IQGAP2: variants seen among roughly 807,000 people sequenced by gnomAD.
The protein encoded by IQGAP2 is IQ motif containing GTPase activating protein 2, also known as ras GTPase-activating-like protein IQGAP2.
A neutral mutation model predicts 201.3 loss-of-function variants in IQGAP2; 173 were observed. That is an observed-to-expected ratio of 0.86 (90% confidence interval 0.76 to 0.98). The LOEUF (loss-of-function observed/expected upper bound fraction) is 0.98, where lower values mean the gene tolerates loss of function less well. IQGAP2 is among the 50% of genes least tolerant of loss of function. The probability of loss-of-function intolerance (pLI) is 0.00; values close to 1 mark genes in which losing one functional copy is unlikely to be tolerated. For missense variants in IQGAP2, 1,687 were observed against 1,864.8 expected (o/e 0.90, Z 1.76); for synonymous variants, 675 against 673.9 (o/e 1.00, Z -0.03).
rs956413404 is a variant in IQGAP2 at position 76,417,202 on chromosome 5, A to G, written c.46+13611A>G. On this transcript the variant is annotated intron_variant, in intron 1 of 35. Coordinates refer to ENST00000274364, the MANE Select transcript of IQGAP2 (RefSeq NM_006633.5). ...ACTTATTTGAATAATTCTTTGGTGAAGTCTTATTAGTGTTGAAACGGGTTT... is the reference window on the plus strand; with the variant it reads ...ACTTATTTGAATAATTCTTTGGTGAGGTCTTATTAGTGTTGAAACGGGTTT... 2.6e-5 allele frequency among the ~76,000 whole-genome samples: 4 copies of G among 152,136 alleles called. No homozygotes were observed. The East Asian group carries it at 7.7e-4, about 29-fold the overall frequency.
At chr5:76,626,096 T>C (rs1750193856) in intron 13 of IQGAP2, among the ~76,000 whole-genome samples, 1 of 152,164 alleles carries the variant, frequency 6.6e-6, no homozygotes, top group African/African-American at 2.4e-5. Context: ...TTTTCATTGC[T>C]GCTGTTGCTT....
intron 2 of IQGAP2, among the ~76,000 whole-genome samples, chr5:76,526,090 C>T (rs1475833032): frequency 6.6e-6 from 1 of 152,212 alleles, no homozygotes; most frequent in Non-Finnish European, 1.5e-5. Flanking sequence ...GTTAGAAGAA[C>T]TTGGCTAGAA....
Position 76,600,978 on chromosome 5 carries a change from G to C in IQGAP2, c.1232+6G>C. 5 of 1,608,862 alleles carry C rather than the reference G, an allele frequency of 3.1e-6. No individual in the cohort carries two copies. Among genetic ancestry groups the C allele is most frequent in the Non-Finnish European group, 4.3e-6 (5 of 1,175,970 alleles). On this transcript the variant is annotated splice_donor_region_variant and intron_variant, in intron 11 of 35. Coordinates refer to ENST00000274364, the MANE Select transcript of IQGAP2 (RefSeq NM_006633.5). ...GACAAGGCATATGTGGAACGGTAAG[G>C]AACATTTTCCAAACCTTCTTTCAAT...
intron 33 of IQGAP2, among the ~76,000 whole-genome samples, chr5:76,700,555 G>A (rs965808543): frequency 6.6e-6 from 1 of 152,118 alleles, no homozygotes; most frequent in Non-Finnish European, 1.5e-5. Context: ...AGACTCACAA[G>A]TATGGTTATG....
chr5:76,488,912 G>A (rs574010198), intron 2 of IQGAP2, among the ~76,000 whole-genome samples: 1 of 152,176 alleles, frequency 6.6e-6, no homozygotes, highest in Non-Finnish European at 1.5e-5. Flanking sequence ...CGGCTGAGTT[G>A]TCCTATCCAC....
intron 2 of IQGAP2, among the ~76,000 whole-genome samples, chr5:76,508,157 C>T (rs1486914395): frequency 1.4e-5 from 2 of 146,520 alleles, no homozygotes; most frequent in African/African-American, 5.1e-5. Flanking sequence ...ATGGCAAAAC[C>T]CCATCTCAAC....
chr5:76,434,207 C>A (rs1022925159), intron 1 of IQGAP2, among the ~76,000 whole-genome samples: 1 of 152,130 alleles, frequency 6.6e-6, no homozygotes, highest in Non-Finnish European at 1.5e-5. Context: ...AAAGAAATTT[C>A]AATAGCTTTG....
chr5:76,623,279 C>A, intron 13 of IQGAP2: 1 of 1,601,490 alleles, frequency 6.2e-7, no homozygotes, highest in South Asian at 1.1e-5. Context: ...TCTGTAAAAT[C>A]ATGGAGCACA....
intron 22 of IQGAP2, among the ~76,000 whole-genome samples, chr5:76,665,537 TAAC>T (rs1281859254): frequency 1.3e-5 from 2 of 152,010 alleles, no homozygotes; most frequent in African/African-American, 4.8e-5. Context: ...AATCTGATAA[TAAC>T]AAAACAAAAA....
rs185869530 is a variant in IQGAP2 at position 76,601,028 on chromosome 5, T to G, written c.1232+56T>G. 6.4e-6 allele frequency: 10 copies of G among 1,556,180 alleles called. No homozygotes were observed. The East Asian group carries it at 1.8e-4, about 28-fold the overall frequency. On this transcript the variant is annotated intron_variant, in intron 11 of 35. Transcript: ENST00000274364. ...TGCAGAAATGCATGTTTGGCAGATCTTAAAAGTGAGGAATTTGCCTGTTGG... is the reference window on the plus strand; with the variant it reads ...TGCAGAAATGCATGTTTGGCAGATCGTAAAAGTGAGGAATTTGCCTGTTGG...
At chr5:76,545,015 C>G (rs1181925923) in intron 2 of IQGAP2, among the ~76,000 whole-genome samples, 1 of 151,646 alleles carries the variant, frequency 6.6e-6, no homozygotes, top group Non-Finnish European at 1.5e-5. Context: ...TAGTTGTATA[C>G]AGTACATATA....
At chr5:76,485,354 G>A (rs893250548) in intron 2 of IQGAP2, among the ~76,000 whole-genome samples, 1 of 152,170 alleles carries the variant, frequency 6.6e-6, no homozygotes, top group Non-Finnish European at 1.5e-5. Flanking sequence ...TCTATAAATA[G>A]CTTCAAAATG....
chr5:76,701,882 C>CT (rs1319582333), intron 34 of IQGAP2: 1 of 152,828 alleles, frequency 6.5e-6, no homozygotes, highest in African/African-American at 2.4e-5. Flanking sequence ...GCGGCCCAGG[C>CT]TGGAGTGCAG....
intron 4 of IQGAP2, among the ~76,000 whole-genome samples, chr5:76,573,634 C>T (rs866502222): frequency 6.6e-6 from 1 of 152,144 alleles, no homozygotes; most frequent in African/African-American, 2.4e-5. Context: ...TTTTTTGAGA[C>T]GGAGTCTCGC....
At chr5:76,696,901 G>T (rs552437643) in intron 32 of IQGAP2, among the ~76,000 whole-genome samples, 1 of 152,096 alleles carries the variant, frequency 6.6e-6, no homozygotes, top group East Asian at 1.9e-4. Context: ...ATTTAATGAA[G>T]AAATTTTACC....
intron 1 of IQGAP2, among the ~76,000 whole-genome samples, chr5:76,411,694 C>T (rs1049285158): frequency 6.6e-6 from 1 of 152,202 alleles, no homozygotes; most frequent in Non-Finnish European, 1.5e-5. Flanking sequence ...CAACCTTGGA[C>T]ATCCTAGCCT....
chr5:76,698,594 T>G (rs186290188), intron 33 of IQGAP2, among the ~76,000 whole-genome samples: 105 of 152,320 alleles, frequency 6.9e-4, no homozygotes, highest in Non-Finnish European at 1.4e-3. Context: ...AAAAAATTAT[T>G]GACACAACTG....
At chr5:76,651,074 A>G (rs1303981419) in intron 17 of IQGAP2, among the ~76,000 whole-genome samples, 2 of 152,186 alleles carry the variant, frequency 1.3e-5, no homozygotes, top group Middle Eastern at 3.4e-3. Flanking sequence ...CTCACACTTC[A>G]CCATCTATGC....
At position 76,570,630 on chromosome 5, in the gene IQGAP2, A is replaced by G. The variant is rs1279273519; in HGVS notation, c.354A>G (p.Arg118=). Reference sequence around the variant, plus strand: ...CAGATAATACCGTCCAGTGGTTAAGAGCGATGGAGTCTATTGGTCTACCCA... The same window carrying G: ...CAGATAATACCGTCCAGTGGTTAAGGGCGATGGAGTCTATTGGTCTACCCA... ...RHTDNTVQWL[R]AMESIGLPKI... is the part of the protein sequence containing the mutation. The change falls in exon 4 of 36, where the codon AGA becomes AGG. Residue 118 remains arginine (R), a synonymous_variant. Coordinates refer to ENST00000274364, the MANE Select transcript of IQGAP2 (RefSeq NM_006633.5). 9 of 1,613,566 alleles carry G rather than the reference A, an allele frequency of 5.6e-6. No individual in the cohort carries two copies. Among genetic ancestry groups the G allele is most frequent in the Admixed American group, 1.7e-5 (1 of 59,992 alleles).
Sources: gnomAD v4.1 joint callset for allele counts (sites outside exome capture counted in the v4.1 genomes callset) on GRCh38, gnomAD v4.1.1 for gene constraint, MANE v1.5 for transcripts, NCBI Gene and HGNC (gene_info 2026-07-23, HGNC 2026-07-21) for gene names.